IMMP2L: variants seen among roughly 807,000 people sequenced by gnomAD.
IMMP2L encodes the protein mitochondrial inner membrane protease subunit 2.
In IMMP2L, 18 loss-of-function variants were observed where a neutral mutation model predicts 19.3. The ratio of observed to expected loss-of-function variants is 0.93; its 90% CI spans 0.64 to 1.38. The LOEUF (loss-of-function observed/expected upper bound fraction) is 1.38. Among genes scored for constraint, IMMP2L ranks in the 40% most tolerant of loss-of-function variants. IMMP2L has a pLI of 0.00. For missense variants in IMMP2L, 233 were observed against 218.2 expected (o/e 1.07, Z -0.43); for synonymous variants, 76 against 73.0 (o/e 1.04, Z -0.21).
At chr7:111,364,099 A>C (rs1315201037) in intron 3 of IMMP2L, among the ~76,000 whole-genome samples, 2 of 152,020 alleles carry the variant, frequency 1.3e-5, no homozygotes, top group Non-Finnish European at 2.9e-5. Context: ...TATTTAAATA[A>C]TATATTTATA....
In IMMP2L at chr7:111,459,320, G is replaced by A. The variant is rs1839941596; in HGVS notation, c.239+27918C>T. Among the ~76,000 whole-genome samples, 3 of 152,080 alleles carry A rather than the reference G, an allele frequency of 2.0e-5. No homozygotes were observed. The South Asian group carries it at 6.2e-4, about 31-fold the overall frequency. On this transcript the variant is annotated intron_variant, in intron 3 of 5. Transcript: ENST00000405709. ...ATTGTTAAGGTTCTTGATAAATACT[G>A]ACAAGCTTATTTCCAAAACAATATT...
chr7:110,800,815 T>C (rs1801187186), intron 5 of IMMP2L, among the ~76,000 whole-genome samples: 1 of 152,060 alleles, frequency 6.6e-6, no homozygotes, highest in South Asian at 2.1e-4. Context: ...TAATAGACAA[T>C]CATAACTTCT....
intron 3 of IMMP2L, among the ~76,000 whole-genome samples, chr7:111,048,101 G>C (rs1358317063): frequency 4.6e-5 from 7 of 151,458 alleles, no homozygotes; most frequent in African/African-American, 1.7e-4. Context: ...TTAGCCGGGC[G>C]TGGTGGCAGG....
chr7:110,845,506 A>T (rs1362161218), intron 5 of IMMP2L, among the ~76,000 whole-genome samples: 2 of 152,086 alleles, frequency 1.3e-5, no homozygotes, highest in Non-Finnish European at 2.9e-5. Context: ...TTTTATCTTT[A>T]TCAAATTGTT....
intron 3 of IMMP2L, among the ~76,000 whole-genome samples, chr7:111,484,568 TTAAA>T (rs1401701489): frequency 6.6e-6 from 1 of 152,164 alleles, no homozygotes; most frequent in African/African-American, 2.4e-5. Flanking sequence ...CACACATTTC[TTAAA>T]TAAATAGGAT....
chr7:111,511,890 C>T (rs144511578), intron 2 of IMMP2L, among the ~76,000 whole-genome samples: 30 of 152,222 alleles, frequency 2.0e-4, no homozygotes, highest in Admixed American at 7.2e-4. Context: ...CCTTCACTTC[C>T]CCGTATCAGG....
chr7:111,401,361 T>C (rs1833406838), intron 3 of IMMP2L, among the ~76,000 whole-genome samples: 1 of 152,154 alleles, frequency 6.6e-6, no homozygotes, highest in African/African-American at 2.4e-5. Context: ...AAGGAGTGTA[T>C]TCTGATTAAG....
At chr7:111,529,041 C>T (rs958015451) in intron 1 of IMMP2L, among the ~76,000 whole-genome samples, 6 of 152,148 alleles carry the variant, frequency 3.9e-5, no homozygotes, top group South Asian at 2.1e-4. Flanking sequence ...CCTTTCTCCA[C>T]GTAGAGTTTG....
At chr7:110,689,489 A>T (rs1793348925) in intron 5 of IMMP2L, among the ~76,000 whole-genome samples, 1 of 152,088 alleles carries the variant, frequency 6.6e-6, no homozygotes, top group Non-Finnish European at 1.5e-5. Flanking sequence ...TAAACTGTCC[A>T]TTGAGTTTTA....
intron 3 of IMMP2L, among the ~76,000 whole-genome samples, chr7:111,242,208 TG>T (rs1815153869): frequency 6.6e-6 from 1 of 152,022 alleles, no homozygotes; most frequent in Non-Finnish European, 1.5e-5. Context: ...CAAGGACAGG[TG>T]TGTGTTGCTC....
intron 3 of IMMP2L, among the ~76,000 whole-genome samples, chr7:111,043,199 GA>G (rs1381492625): frequency 9.9e-5 from 15 of 152,090 alleles, no homozygotes; most frequent in Non-Finnish European, 1.9e-4. Context: ...TTTAAAATAT[GA>G]AAAGAAATAC....
chr7:110,861,981 C>T (rs1807476475), intron 5 of IMMP2L, among the ~76,000 whole-genome samples: 1 of 151,952 alleles, frequency 6.6e-6, no homozygotes, highest in Non-Finnish European at 1.5e-5. Flanking sequence ...ACATGACCTG[C>T]ATGGTTTATT....
At chr7:111,297,852 G>T (rs1044418375) in intron 3 of IMMP2L, among the ~76,000 whole-genome samples, 3 of 152,040 alleles carry the variant, frequency 2.0e-5, no homozygotes, top group Admixed American at 6.6e-5. Context: ...ATCTAGTTTA[G>T]GAAAAATGAA....
At chr7:111,378,400 G>C (rs1830889060) in intron 3 of IMMP2L, among the ~76,000 whole-genome samples, 1 of 151,766 alleles carries the variant, frequency 6.6e-6, no homozygotes, top group African/African-American at 2.4e-5. Context: ...AAAACTTCCA[G>C]CAAATTTAAA....
intron 3 of IMMP2L, among the ~76,000 whole-genome samples, chr7:111,091,948 T>C (rs1295492750): frequency 1.3e-5 from 2 of 152,168 alleles, no homozygotes; most frequent in Non-Finnish European, 2.9e-5. Context: ...TTATTTGTAG[T>C]GAAAAGCAGA....
chr7:110,844,052 T>G (rs1805385251), intron 5 of IMMP2L, among the ~76,000 whole-genome samples: 1 of 152,154 alleles, frequency 6.6e-6, no homozygotes, highest in Admixed American at 6.5e-5. Flanking sequence ...AAGAGTGACA[T>G]GACAGGATTT....
intron 2 of IMMP2L, among the ~76,000 whole-genome samples, chr7:111,519,584 C>T (rs1846161719): frequency 6.6e-6 from 1 of 152,144 alleles, no homozygotes; most frequent in Non-Finnish European, 1.5e-5. Context: ...ACTTTCTTCA[C>T]TGCCTTCTTC....
intron 3 of IMMP2L, among the ~76,000 whole-genome samples, chr7:111,353,107 T>C (rs891354900): frequency 6.6e-6 from 1 of 152,158 alleles, no homozygotes; most frequent in African/African-American, 2.4e-5. Flanking sequence ...TTCACAAAAT[T>C]CCAGAAGAAG....
chr7:110,884,274 G>T (rs902311135), intron 5 of IMMP2L, among the ~76,000 whole-genome samples: 7 of 151,930 alleles, frequency 4.6e-5, no homozygotes, highest in Non-Finnish European at 1.0e-4. Context: ...TAAAGGAAAA[G>T]ACACTAATTT....
Sources: gnomAD v4.1 joint callset for allele counts (sites outside exome capture counted in the v4.1 genomes callset) on GRCh38, gnomAD v4.1.1 for gene constraint, MANE v1.5 for transcripts, NCBI Gene and HGNC (gene_info 2026-07-23, HGNC 2026-07-21) for gene names.